Variants in TTC14 observed in about 807,000 individuals in gnomAD.
TTC14 encodes the protein tetratricopeptide repeat domain 14, also known as tetratricopeptide repeat protein 14.
TTC14 carries 63 observed loss-of-function variants against 79.9 expected under a neutral mutation model. The observed-to-expected ratio is 0.79, with a 90% CI of 0.64 to 0.97. The LOEUF (loss-of-function observed/expected upper bound fraction) is 0.97, where lower values mean the gene tolerates loss of function less well. Among genes scored for constraint, TTC14 ranks in the 50% least tolerant of loss-of-function variants. The pLI, the probability that TTC14 is intolerant of heterozygous loss-of-function variation, is 0.00. For synonymous variants in TTC14, 335 were observed against 309.6 expected (o/e 1.08, Z -0.86); for missense variants, 895 against 894.0 (o/e 1.00, Z -0.01).
intron 9 of TTC14, among the ~76,000 whole-genome samples, chr3:180,606,932 A>T (rs1388116141): frequency 6.6e-6 from 1 of 152,140 alleles, no homozygotes; most frequent in African/African-American, 2.4e-5. Context: ...TACTAGGTGG[A>T]TAACTAGTAA....
chr3:180,614,949 TTAC>T (rs759348071), downstream of TTC14: 1 of 1,566,452 alleles, frequency 6.4e-7, no homozygotes, highest in South Asian at 1.2e-5. Flanking sequence ...GCTCTTAACA[TTAC>T]TAGAGCTACT....
chr3:180,608,620 G>C, intron 10 of TTC14, 81 bp from the exon 11 acceptor site: 1 of 1,372,600 alleles, frequency 7.3e-7, no homozygotes. Flanking sequence ...TTTCTCGTTG[G>C]GGGTGGTCTT....
chr3:180,610,109 G>C lies in TTC14; in HGVS notation c.1880G>C (p.Arg627Thr), dbSNP rs924497128. The part of the protein sequence containing the change: ...YKSERHFSSR[R>T]NSSDSFCRNS... ...TCAGAAAGACATTTTTCCAGTAGAAGAAATTCCTCAGATTCCTTCTGTAGG... is the reference window on the plus strand; with the variant it reads ...TCAGAAAGACATTTTTCCAGTAGAACAAATTCCTCAGATTCCTTCTGTAGG... Residue 627 changes from arginine (R) to threonine (T), a missense_variant, in exon 12 of 12, where the codon AGA (arginine) becomes ACA (threonine). By Grantham distance (71) the Arg-to-Thr change is moderately conservative. Transcript: ENST00000296015. 1 of 1,613,056 alleles carries C rather than the reference G, an allele frequency of 6.2e-7. No individual in the cohort carries two copies. The highest frequency in any genetic ancestry group is 1.1e-5 in the South Asian group (1 of 90,904).
In TTC14 at chr3:180,602,224, A is replaced by C. The variant is rs777553246; in HGVS notation, c.-38A>C. The C allele has an allele frequency of 1.9e-6, 3 of 1,609,132 alleles. No homozygotes were observed. The highest frequency in any genetic ancestry group is 2.5e-6 in the Non-Finnish European group (3 of 1,177,640). Reference sequence around the variant, plus strand: ...AGTAGCGGACACGGAACAGGGAACTATCAGCCCGTCGGCCTCCGGGCCCTG... The same window carrying C: ...AGTAGCGGACACGGAACAGGGAACTCTCAGCCCGTCGGCCTCCGGGCCCTG... On this transcript the variant is annotated 5_prime_UTR_variant, in exon 1 of 12. Transcript: ENST00000296015.
At chr3:180,612,327 A>G (rs904900446), downstream of TTC14, among the ~76,000 whole-genome samples, 3 of 152,280 alleles carry the variant, frequency 2.0e-5, no homozygotes, top group South Asian at 2.1e-4. Context: ...ACATGGATCT[A>G]TCGTGTAGTG....
In TTC14 at chr3:180,606,332, GACAA is replaced by G. The variant is rs750626950; in HGVS notation, c.1015_1018del (p.Gln339ThrfsTer6). 15 of 1,613,954 alleles carry G rather than the reference GACAA, an allele frequency of 9.3e-6. No individual in the cohort carries two copies. The highest frequency in any genetic ancestry group is 1.3e-5 in the African/African-American group (1 of 74,924). On this transcript the variant is annotated frameshift_variant, in exon 8 of 12. Coordinates refer to ENST00000296015, the MANE Select transcript of TTC14 (RefSeq NM_133462.4). LOFTEE classifies it high-confidence loss of function. The stretch of plus-strand genomic sequence containing the variant: ...TGAATACAATAAAGCTTTGGAAATA[GACAA>G]ACAAAACGTGGAAGCTTTGGTAGCT...
At chr3:180,616,690 T>G in intron 12 of TTC14, 4 of 1,587,244 alleles carry the variant, frequency 2.5e-6, no homozygotes, top group Non-Finnish European at 3.4e-6. Context: ...TTGTGAGTTT[T>G]GCACACTGTT....
At position 180,605,006 on chromosome 3, in the gene TTC14, A is replaced by C; in HGVS notation, c.856A>C (p.Ser286Arg). The change falls in exon 6 of 12, where the codon AGC becomes CGC. Residue 286 changes from serine to arginine, a missense_variant and splice_region_variant. By Grantham distance (110) the Ser-to-Arg change is moderately radical. Transcript: ENST00000296015. Reference sequence around the variant, plus strand: ...ACCATCTTTAATGAGAGGCCTACAAAGGTATAGTACATCAGTATTACTCTT... The same window carrying C: ...ACCATCTTTAATGAGAGGCCTACAACGGTATAGTACATCAGTATTACTCTT... ...NPPSLMRGLQ[S>R]KNFSEDDFAS... 6.2e-7 allele frequency: 1 copy of C among 1,611,512 alleles called. No individual in the cohort carries two copies.
At chr3:180,603,346 A>T (rs1327740086) in intron 3 of TTC14, 23 bp downstream of exon 3, 1 of 1,601,560 alleles carries the variant, frequency 6.2e-7, no homozygotes, top group Admixed American at 1.7e-5. Context: ...TGTTACTTGG[A>T]TTGCTTCTGT....
Position 180,605,005 on chromosome 3 carries a change from A to G in TTC14, c.855A>G (p.Gln285=), listed in dbSNP as rs1308448808. 1.9e-6 allele frequency: 3 copies of G among 1,611,360 alleles called. No homozygotes were observed. Among genetic ancestry groups the G allele is most frequent in the East Asian group, 2.2e-5 (1 of 44,854 alleles). The change falls in exon 6 of 12, where the codon CAA becomes CAG. Residue 285 remains glutamine, a splice_region_variant and synonymous_variant. Transcript: ENST00000296015. The part of the protein sequence containing the change: ...SNPPSLMRGL[Q]SKNFSEDDFA... ...CACCATCTTTAATGAGAGGCCTACA[A>G]AGGTATAGTACATCAGTATTACTCT...
chr3:180,604,847 T>C lies in TTC14; in HGVS notation c.702-5T>C. 6.3e-7 allele frequency: 1 copy of C among 1,589,834 alleles called. No individual in the cohort carries two copies. Among genetic ancestry groups the C allele is most frequent in the Non-Finnish European group, 8.5e-7 (1 of 1,171,982 alleles). ...TTACAATTTTTGTGTTTGTATTTTT[T>C]TAAGGAGAAGTGTTGAGCTAAATAG... is the stretch of plus-strand genomic sequence containing the variant. On this transcript the variant is annotated splice_region_variant and splice_polypyrimidine_tract_variant and intron_variant, in intron 5 of 11. Coordinates refer to ENST00000296015, the MANE Select transcript of TTC14 (RefSeq NM_133462.4).
At position 180,607,742 on chromosome 3, in the gene TTC14, C is replaced by T. The variant is rs752345948; in HGVS notation, c.1267C>T (p.Gln423Ter). 2 of 1,611,338 alleles carry T rather than the reference C, an allele frequency of 1.2e-6. No individual in the cohort carries two copies. The highest frequency in any genetic ancestry group is 3.3e-5 in the Admixed American group (2 of 59,746). The change falls in exon 10 of 12, where the codon CAG (glutamine) becomes TAG (stop). Residue 423 changes from glutamine (Q) to a stop codon, truncating the protein, a stop_gained. Transcript: ENST00000296015. LOFTEE classifies it high-confidence loss of function. ...TTTTAAAGATGCAGAGGATGCTTTG[C>T]AGAAACTTCATAAATATATGCAGGT... ...ETFKDAEDAL[Q>*]KLHKYMQKSL...
chr3:180,616,183 T>C (rs1717230275), intron 12 of TTC14: 1 of 954,402 alleles, frequency 1.0e-6, no homozygotes, highest in Non-Finnish European at 1.7e-6. Context: ...AGTGAGTGCA[T>C]GGGCCTGCCT....
intron 11 of TTC14, chr3:180,609,257 C>T (rs1304691750): frequency 1.3e-6 from 1 of 755,016 alleles, no homozygotes; most frequent in Non-Finnish European, 1.6e-6. Context: ...CCCGCACCCC[C>T]ACCCCCTACC....
chr3:180,608,394 C>A, intron 10 of TTC14: 1 of 933,440 alleles, frequency 1.1e-6, no homozygotes, highest in Non-Finnish European at 1.3e-6. Context: ...TTTTTATGTA[C>A]TTTTTTTTTT....
chr3:180,610,762 C>T lies in TTC14; in HGVS notation c.*220C>T. ...GACTTTTTATGTATATGTTTATGTA[C>T]AGTATATTACTCTTGACAGTTTGAA... On this transcript the variant is annotated 3_prime_UTR_variant, in exon 12 of 12. Coordinates refer to ENST00000296015, the MANE Select transcript of TTC14 (RefSeq NM_133462.4). The T allele has an allele frequency of 1.7e-6, 2 of 1,163,424 alleles. No individual in the cohort carries two copies. Among genetic ancestry groups the T allele is most frequent in the Non-Finnish European group, 2.1e-6 (2 of 941,772 alleles). The allele number at this position is 1,163,424 out of a possible 1,614,324, so 72.1% of individuals were successfully genotyped here. A position where few individuals can be genotyped will look rare whatever the true frequency, so the allele number is the denominator to read the frequency against.
intron 9 of TTC14, 129 bp from the exon 10 acceptor site, chr3:180,607,519 T>C: frequency 7.6e-7 from 1 of 1,316,998 alleles, no homozygotes; most frequent in Non-Finnish European, 9.8e-7. Context: ...TATTTTGGTA[T>C]TTTATTTTGG....
chr3:180,610,762 C>A lies in TTC14; in HGVS notation c.*220C>A, dbSNP rs1031916323. 8.6e-7 allele frequency: 1 copy of A among 1,163,422 alleles called. No homozygotes were observed. Among genetic ancestry groups the A allele is most frequent in the African/African-American group, 1.6e-5 (1 of 62,778 alleles). 72.1% of individuals were successfully genotyped at this position (1,163,422 alleles called of 1,614,324 possible). On this transcript the variant is annotated 3_prime_UTR_variant, in exon 12 of 12. Transcript: ENST00000296015. ...GACTTTTTATGTATATGTTTATGTA[C>A]AGTATATTACTCTTGACAGTTTGAA...
downstream of TTC14, chr3:180,614,692 C>T (rs542764865): frequency 3.9e-4 from 163 of 418,256 alleles, no homozygotes; most frequent in East Asian, 7.0e-3. Flanking sequence ...AGCATTTTTC[C>T]TATGCTTGTA....
Sources: gnomAD v4.1 joint callset for allele counts (sites outside exome capture counted in the v4.1 genomes callset) on GRCh38, gnomAD v4.1.1 for gene constraint, MANE v1.5 for transcripts, NCBI Gene and HGNC (gene_info 2026-07-23, HGNC 2026-07-21) for gene names.